Variants in ARFGEF1 observed in about 807,000 individuals in gnomAD.
ARFGEF1 encodes the protein brefeldin A-inhibited guanine nucleotide-exchange protein 1.
In ARFGEF1, 42 loss-of-function variants were observed where a neutral mutation model predicts 231.0. That is an observed-to-expected ratio of 0.18 (90% CI 0.14 to 0.24). ARFGEF1 has a LOEUF of 0.24. ARFGEF1 is among the 10% of genes least tolerant of loss of function. ARFGEF1 has a pLI of 1.00. For missense variants in ARFGEF1, 1,345 were observed against 2,192.0 expected (o/e 0.61, Z 7.72); for synonymous variants, 710 against 732.3 (o/e 0.97, Z 0.49).
Position 67,198,726 on chromosome 8 carries a change from C to A in ARFGEF1, c.*208G>T. On this transcript the variant is annotated 3_prime_UTR_variant, in exon 39 of 39. Transcript: ENST00000262215. ...TGACACTGTTTAAACAGGCTTTCTG[C>A]TCAACATGAGGCCAATATAACACAC... The A allele has an allele frequency of 7.5e-7, 1 of 1,329,204 alleles. No individual in the cohort carries two copies. Among genetic ancestry groups the A allele is most frequent in the Non-Finnish European group, 9.6e-7 (1 of 1,041,890 alleles). The allele number at this position is 1,329,204 out of a possible 1,614,324, so 82.3% of individuals were successfully genotyped here. A position where few individuals can be genotyped will look rare whatever the true frequency, so the allele number is the denominator to read the frequency against.
Position 67,198,904 on chromosome 8 carries a change from G to A in ARFGEF1, c.*30C>T, listed in dbSNP as rs1303971453. The A allele has an allele frequency of 1.2e-6, 2 of 1,609,800 alleles. No homozygotes were observed. Among genetic ancestry groups the A allele is most frequent in the Non-Finnish European group, 1.7e-6 (2 of 1,178,860 alleles). ...GCGTCCTTTTAAAGAGCAGAGGGAT[G>A]TAAATGCCAACAAAAATATTAAGTT... On this transcript the variant is annotated 3_prime_UTR_variant, in exon 39 of 39. Coordinates refer to ENST00000262215, the MANE Select transcript of ARFGEF1 (RefSeq NM_006421.5).
At chr8:67,201,407 T>C (rs1285094853) in intron 37 of ARFGEF1, 60 bp downstream of exon 37, 2 of 1,551,848 alleles carry the variant, frequency 1.3e-6, no homozygotes, top group East Asian at 2.3e-5. Flanking sequence ...CCGGTGCCTC[T>C]TTCCTGCCCG....
intron 8 of ARFGEF1, 23 bp downstream of exon 8, chr8:67,277,259 C>G (rs748578191): frequency 1.9e-6 from 3 of 1,609,072 alleles, no homozygotes; most frequent in Non-Finnish European, 2.5e-6. Context: ...GATTTCTCCC[C>G]CTCCCCACCC....
In ARFGEF1 at chr8:67,265,690, G is replaced by A. The variant is rs75395439; in HGVS notation, c.2123+316C>T. ...AAGTTTCATATTTTAAATGTTTTGA[G>A]TTGTCACATGATTAGAAAATATAAT... is the stretch of plus-strand genomic sequence containing the variant. On this transcript the variant is annotated intron_variant, in intron 14 of 38. Transcript: ENST00000262215. Among the ~76,000 whole-genome samples, 890 of 152,234 alleles carry A rather than the reference G, an allele frequency of 5.8e-3. 9 individuals carry two copies. Among genetic ancestry groups the A allele is most frequent in the African/African-American group, 0.02 (833 of 41,536 alleles).
At chr8:67,195,790 G>A (rs1837825454), downstream of ARFGEF1, 3 of 551,278 alleles carry the variant, frequency 5.4e-6, no homozygotes, top group Non-Finnish European at 9.7e-6. Context: ...TAATAGAATT[G>A]TATAGATTAT....
intron 3 of ARFGEF1, 28 bp downstream of exon 3, chr8:67,301,196 T>C (rs2128915360): frequency 3.2e-6 from 5 of 1,558,072 alleles, no homozygotes; most frequent in Non-Finnish European, 2.6e-6. Context: ...AAGTACACAG[T>C]TTTTAGAAAG....
chr8:67,249,341 C>T (rs1277550975), intron 19 of ARFGEF1, among the ~76,000 whole-genome samples: 1 of 150,174 alleles, frequency 6.7e-6, no homozygotes, highest in Non-Finnish European at 1.5e-5. Flanking sequence ...AGGTAAGTAT[C>T]CTGGGCATGT....
intron 10 of ARFGEF1, among the ~76,000 whole-genome samples, chr8:67,268,536 A>G (rs146422199): frequency 3.9e-5 from 6 of 152,124 alleles, no homozygotes; most frequent in Non-Finnish European, 7.4e-5. Context: ...ATCACACTAC[A>G]TTCCCTTCAA....
rs142451670 is a variant in ARFGEF1 at position 67,320,186 on chromosome 8, T to C, written c.125-17720A>G. Among the ~76,000 whole-genome samples, 941 of 126,120 alleles carry C rather than the reference T, an allele frequency of 7.5e-3. 41 individuals carry two copies. Among genetic ancestry groups the C allele is most frequent in the East Asian group, 7.8e-3 (33 of 4,252 alleles). The allele number at this position is 126,120 out of a possible 152,430, so 82.7% of individuals were successfully genotyped here. ...TTGCAGTGAGCCGAGATCGCACCAC[T>C]GCACTCCAGACTGGGTGAAAGAGCA... On this transcript the variant is annotated intron_variant, in intron 1 of 38. Transcript: ENST00000262215.
intron 5 of ARFGEF1, among the ~76,000 whole-genome samples, chr8:67,180,875 A>T (rs112210869): frequency 1.3e-5 from 2 of 151,962 alleles, no homozygotes; most frequent in African/African-American, 4.8e-5. Context: ...TTAAAGTAGT[A>T]TACACTTACG....
At position 67,296,456 on chromosome 8, in the gene ARFGEF1, A is replaced by G. The variant is rs371357899; in HGVS notation, c.614T>C (p.Ile205Thr). The G allele has an allele frequency of 3.7e-6, 6 of 1,613,914 alleles. No homozygotes were observed. Among genetic ancestry groups the G allele is most frequent in the South Asian group, 1.1e-5 (1 of 91,078 alleles). Residue 205 changes from isoleucine to threonine, a missense_variant, in exon 5 of 39, where the codon ATC becomes ACC. Transcript: ENST00000262215. ...KATLTQMLNV[I>T]FARMENQALQ... ...TGCTTGGTTTTCCATGCGTGCAAAG[A>G]TAACATTTAGCATCTGAGTGAGAGT...
At chr8:67,192,870 C>A (rs535218023), downstream of ARFGEF1, among the ~76,000 whole-genome samples, 10 of 152,304 alleles carry the variant, frequency 6.6e-5, no homozygotes, top group Non-Finnish European at 1.5e-4. Context: ...TATGTCAGTA[C>A]CACACTGTCT....
At chr8:67,342,423 G>A (rs558661380) in intron 1 of ARFGEF1, among the ~76,000 whole-genome samples, 6 of 152,228 alleles carry the variant, frequency 3.9e-5, no homozygotes, top group East Asian at 1.9e-4. Context: ...TGGCTGGTGG[G>A]TGTCATTGTC....
downstream of ARFGEF1, chr8:67,193,516 C>A: frequency 6.2e-7 from 1 of 1,612,412 alleles, no homozygotes; most frequent in South Asian, 1.1e-5. Context: ...AAATCTATAT[C>A]CAGTGTAAAT....
intron 1 of ARFGEF1, among the ~76,000 whole-genome samples, chr8:67,333,310 A>G (rs1188452627): frequency 1.3e-5 from 2 of 150,428 alleles, no homozygotes; most frequent in Admixed American, 6.6e-5. Flanking sequence ...TGAGATTACA[A>G]GCATGAGCCA....
At chr8:67,263,621 T>G (rs566076671) in intron 14 of ARFGEF1, among the ~76,000 whole-genome samples, 9 of 152,296 alleles carry the variant, frequency 5.9e-5, no homozygotes, top group African/African-American at 1.4e-4. Flanking sequence ...GCCATTCTCT[T>G]AGTCTGGGAT....
chr8:67,305,038 A>C (rs1806674590), intron 1 of ARFGEF1, among the ~76,000 whole-genome samples: 1 of 152,196 alleles, frequency 6.6e-6, no homozygotes. Flanking sequence ...CCATTTGTAA[A>C]ATAATTACAG....
At chr8:67,327,684 G>A (rs1807900433) in intron 1 of ARFGEF1, among the ~76,000 whole-genome samples, 3 of 152,118 alleles carry the variant, frequency 2.0e-5, no homozygotes, top group Admixed American at 2.0e-4. Flanking sequence ...ACAGTAAAAC[G>A]TGTTACTTGG....
Position 67,237,528 on chromosome 8 carries a change from C to T in ARFGEF1, c.3289+815G>A, listed in dbSNP as rs112020257. ...AGGAATCACTAAAAGATAGAAGATT[C>T]CTGCTCTAAGTAATGCGTCCAGATT... On this transcript the variant is annotated intron_variant, in intron 22 of 38. Transcript: ENST00000262215. Among the ~76,000 whole-genome samples, 303 of 152,228 alleles carry T rather than the reference C, an allele frequency of 2.0e-3. 4 individuals are homozygous for T. Among genetic ancestry groups the T allele is most frequent in the African/African-American group, 6.9e-3 (288 of 41,540 alleles).
Sources: allele counts gnomAD v4.1 joint callset (sites outside exome capture counted in the v4.1 genomes callset), GRCh38; gene constraint gnomAD v4.1.1; transcripts MANE v1.5; gene names NCBI Gene and HGNC (gene_info 2026-07-23, HGNC 2026-07-21).